The following LAT variants were observed in gnomAD, a reference collection of about 807,000 sequenced individuals.
The protein encoded by LAT is linker for activation of T-cells family member 1.
Under a neutral mutation model 39.1 loss-of-function variants are expected in LAT, and 12 were observed. The ratio of observed to expected loss-of-function variants is 0.31; its 90% CI spans 0.20 to 0.50. The LOEUF is 0.50. Ranked by LOEUF, LAT falls within the 20% of genes least tolerant of loss-of-function variation. The pLI is 0.98. For synonymous variants in LAT, 117 were observed against 123.8 expected (o/e 0.95, Z 0.36); for missense variants, 253 against 308.0 (o/e 0.82, Z 1.34).
intron 8 of LAT, 111 bp from the exon 9 acceptor site, chr16:28,989,416 T>C: frequency 2.2e-6 from 2 of 911,734 alleles, no homozygotes; most frequent in Admixed American, 2.3e-5. Context: ...GTGGGAAGCC[T>C]CTGGGGTCTA....
chr16:28,985,539 G>A lies in LAT; in HGVS notation c.100+22G>A, dbSNP rs750866342. 6.8e-6 allele frequency: 11 copies of A among 1,611,148 alleles called. No homozygotes were observed. Among genetic ancestry groups the A allele is most frequent in the Admixed American group, 1.7e-5 (1 of 59,900 alleles). On this transcript the variant is annotated intron_variant, in intron 1 of 11. Transcript: ENST00000395456. This position sits in a 1 kb window ranked among gnomAD's most constrained non-coding sequence, Gnocchi z 4.6. ...CCAGGTGAGTGGGAAACTGGTGGGG[G>A]TACCCAGGGCCCAGGGACACCGACG...
Position 28,985,454 on chromosome 16 carries a change from C to G in LAT, c.37C>G (p.Leu13Val). 1 of 1,613,856 alleles carries G rather than the reference C, an allele frequency of 6.2e-7. No homozygotes were observed. The highest frequency in any genetic ancestry group is 8.5e-7 in the Non-Finnish European group (1 of 1,179,948). ...CATCCTGGTCCCCTGCGTGCTGGGG[C>G]TCCTGCTGCTGCCCATCCTGGCCAT... The part of the protein sequence containing the change: ...EAILVPCVLG[L>V]LLLPILAMLM... Residue 13 changes from leucine (L) to valine (V), a missense_variant, in exon 1 of 12, where the codon CTC becomes GTC. Coordinates refer to ENST00000395456, the MANE Select transcript of LAT (RefSeq NM_001014987.2). The surrounding 1 kb of genome is among the most constrained non-coding windows in gnomAD (Gnocchi z 4.6).
In LAT at chr16:28,985,131, A is replaced by G; in HGVS notation, c.-287A>G. On this transcript the variant is annotated 5_prime_UTR_variant, in exon 1 of 12. Coordinates refer to ENST00000395456, the MANE Select transcript of LAT (RefSeq NM_001014987.2). This position sits in a 1 kb window ranked among gnomAD's most constrained non-coding sequence, Gnocchi z 4.6. ...GGAGGGGCAGGTAGGGCTGGGACGC[A>G]GGGGTAACTGGATCCCCCGACTTCA... The G allele has an allele frequency of 7.0e-7, 1 of 1,426,934 alleles. No homozygotes were observed. Among genetic ancestry groups the G allele is most frequent in the Non-Finnish European group, 9.1e-7 (1 of 1,095,620 alleles). The allele number at this position is 1,426,934 out of a possible 1,614,324, so 88.4% of individuals were successfully genotyped here.
Position 28,985,530 on chromosome 16 carries a change from C to G in LAT, c.100+13C>G. ...CACAGACTGCCAGGTGAGTGGGAAACTGGTGGGGGTACCCAGGGCCCAGGG... is the reference window on the plus strand; with the variant it reads ...CACAGACTGCCAGGTGAGTGGGAAAGTGGTGGGGGTACCCAGGGCCCAGGG... On this transcript the variant is annotated intron_variant, in intron 1 of 11. Coordinates refer to ENST00000395456, the MANE Select transcript of LAT (RefSeq NM_001014987.2). The surrounding 1 kb of genome is among the most constrained non-coding windows in gnomAD (Gnocchi z 4.6). The G allele has an allele frequency of 6.2e-7, 1 of 1,612,298 alleles. No homozygotes were observed. Among genetic ancestry groups the G allele is most frequent in the Non-Finnish European group, 8.5e-7 (1 of 1,179,004 alleles).
chr16:28,990,349 G>A lies in LAT; in HGVS notation c.*168G>A. 1.9e-6 allele frequency: 1 copy of A among 524,202 alleles called. No homozygotes were observed. The highest frequency in any genetic ancestry group is 3.6e-6 in the Non-Finnish European group (1 of 274,306). The allele number at this position is 524,202 out of a possible 1,614,324, so 32.5% of individuals were successfully genotyped here. ...TTATTATCACTTTGGGGTTCGGCCTGTGTCCCCCGAACGCTCTGCACCTTC... is the reference window on the plus strand; with the variant it reads ...TTATTATCACTTTGGGGTTCGGCCTATGTCCCCCGAACGCTCTGCACCTTC... On this transcript the variant is annotated 3_prime_UTR_variant, in exon 12 of 12. Transcript: ENST00000395456.
rs895879733 is a variant in LAT, at chr16:28,989,842, G to A, written c.622+3G>A. 6.8e-6 allele frequency: 11 copies of A among 1,614,088 alleles called. No individual in the cohort carries two copies. Among genetic ancestry groups the A allele is most frequent in the Admixed American group, 1.7e-5 (1 of 60,008 alleles). On this transcript the variant is annotated splice_donor_region_variant and intron_variant, in intron 10 of 11. Coordinates refer to ENST00000395456, the MANE Select transcript of LAT (RefSeq NM_001014987.2). ...TGGAGCGGCTAAGACTGAGCCTGGTGTGTTCTGCGGGAGGGGCAGGAGCTG... is the reference window on the plus strand; with the variant it reads ...TGGAGCGGCTAAGACTGAGCCTGGTATGTTCTGCGGGAGGGGCAGGAGCTG...
At position 28,986,092 on chromosome 16, in the gene LAT, C is replaced by T. The variant is rs760610353; in HGVS notation, c.164-43C>T. 17 of 1,511,642 alleles carry T rather than the reference C, an allele frequency of 1.1e-5. No individual in the cohort carries two copies. Among genetic ancestry groups the T allele is most frequent in the Admixed American group, 1.9e-5 (1 of 53,942 alleles). 93.6% of individuals were successfully genotyped at this position (1,511,642 alleles called of 1,614,324 possible). ...CTTAGTCTGTTCTTTGAGGCCTTGA[C>T]GATGTCCGGAGTCCTTCTTTCAACT... On this transcript the variant is annotated intron_variant, in intron 3 of 11. Transcript: ENST00000395456. The surrounding 1 kb of genome is among the most constrained non-coding windows in gnomAD (Gnocchi z 5.7).
chr16:28,985,029 C>T, upstream of LAT: 1 of 1,424,440 alleles, frequency 7.0e-7, no homozygotes, highest in Non-Finnish European at 9.2e-7. This position sits in a 1 kb window ranked among gnomAD's most constrained non-coding sequence, Gnocchi z 4.6. Flanking sequence ...TTGATGATTT[C>T]CTGCCCTCGC....
chr16:28,984,934 G>T (rs1006545484), upstream of LAT: 4 of 1,533,388 alleles, frequency 2.6e-6, no homozygotes, highest in Middle Eastern at 1.7e-4. Context: ...CTTGGTGAGT[G>T]CCTGGGGTGG....
rs771097316 is a variant in LAT at position 28,990,281 on chromosome 16, C to G, written c.*100C>G. On this transcript the variant is annotated 3_prime_UTR_variant, in exon 12 of 12. Transcript: ENST00000395456. Reference sequence around the variant, plus strand: ...CTGGGGTCCTCACATGGCGTCCTGCCCTTGCTCCAGCCTGACAACAGCCTG... The same window carrying G: ...CTGGGGTCCTCACATGGCGTCCTGCGCTTGCTCCAGCCTGACAACAGCCTG... The G allele has an allele frequency of 1.5e-5, 10 of 668,804 alleles. No individual in the cohort carries two copies. 41.4% of individuals were successfully genotyped at this position (668,804 alleles called of 1,614,324 possible). A position where few individuals can be genotyped will look rare whatever the true frequency, so the allele number is the denominator to read the frequency against.
Position 28,986,444 on chromosome 16 carries a change from G to A in LAT, c.308G>A (p.Gly103Asp). The change falls in exon 5 of 12, where the codon GGT becomes GAT. Residue 103 changes from glycine (G) to aspartate (D), a missense_variant and splice_region_variant. Coordinates refer to ENST00000395456, the MANE Select transcript of LAT (RefSeq NM_001014987.2). This position sits in a 1 kb window ranked among gnomAD's most constrained non-coding sequence, Gnocchi z 5.7. ...RTPSSRRDSD[G>D]ANSVASYENE... ...CCATCTTCCCGGCGGGATTCTGATGGTGGTAAGTGTGGGGAAGGGTTCAGG... is the reference window on the plus strand; with the variant it reads ...CCATCTTCCCGGCGGGATTCTGATGATGGTAAGTGTGGGGAAGGGTTCAGG... The A allele has an allele frequency of 5.0e-6, 8 of 1,613,982 alleles. No homozygotes were observed. In the South Asian group the frequency reaches 7.7e-5, roughly 16 times the overall value.
upstream of LAT, chr16:28,984,924 C>T (rs1319141460): frequency 1.9e-6 from 3 of 1,544,366 alleles, no homozygotes; most frequent in Admixed American, 2.0e-5. Flanking sequence ...CCAGCAGACC[C>T]TTGGTGAGTG....
At chr16:28,990,099 C>G in intron 11 of LAT, 80 bp downstream of exon 11, 1 of 1,175,636 alleles carries the variant, frequency 8.5e-7, no homozygotes, top group East Asian at 2.5e-5. Flanking sequence ...TTGCCCAACC[C>G]TACCTCTGGC....
At chr16:28,989,629 C>A (rs754124065) in intron 9 of LAT, 40 bp downstream of exon 9, 1 of 1,590,260 alleles carries the variant, frequency 6.3e-7, no homozygotes, top group Middle Eastern at 1.7e-4. Context: ...CCCTGCACCC[C>A]GCTGCCCCAC....
Position 28,989,600 on chromosome 16 carries a change from G to A in LAT, c.556+11G>A, listed in dbSNP as rs749589604. On this transcript the variant is annotated intron_variant, in intron 9 of 11. Transcript: ENST00000395456. The stretch of plus-strand genomic sequence containing the variant: ...CAGAAGCGTCTCTGGGTGAGTGACC[G>A]GTGCTTGTCGGTGCCTGCCCCTGCA... 29 of 1,604,376 alleles carry A rather than the reference G, an allele frequency of 1.8e-5. No individual in the cohort carries two copies. Among genetic ancestry groups the A allele is most frequent in the South Asian group, 5.6e-5 (5 of 89,482 alleles).
At chr16:28,987,077 T>TA (rs34896815) in intron 8 of LAT, among the ~76,000 whole-genome samples, 184 bp downstream of exon 8, 1 of 152,144 alleles carries the variant, frequency 6.6e-6, no homozygotes, top group African/African-American at 2.4e-5. Flanking sequence ...CTAGCTTATT[T>TA]AAAAAATTTT....
In LAT at chr16:28,990,481, C is replaced by G; in HGVS notation, c.*300C>G. On this transcript the variant is annotated 3_prime_UTR_variant, in exon 12 of 12. Coordinates refer to ENST00000395456, the MANE Select transcript of LAT (RefSeq NM_001014987.2). Reference sequence around the variant, plus strand: ...GCGTGCGTCTGTGTGTGCCTGTGTGCGAGTCTGAGTCAGAGATTTGGAGAT... The same window carrying G: ...GCGTGCGTCTGTGTGTGCCTGTGTGGGAGTCTGAGTCAGAGATTTGGAGAT... The G allele has an allele frequency of 3.2e-6, 1 of 311,524 alleles. No individual in the cohort carries two copies. The highest frequency in any genetic ancestry group is 2.5e-5 in the South Asian group (1 of 39,360). The allele number at this position is 311,524 out of a possible 1,614,324, so 19.3% of individuals were successfully genotyped here. A position where few individuals can be genotyped will look rare whatever the true frequency, so the allele number is the denominator to read the frequency against.
At chr16:28,988,310 C>T (rs575520196) in intron 8 of LAT, 5 of 152,548 alleles carry the variant, frequency 3.3e-5, no homozygotes, top group Non-Finnish European at 7.3e-5. Context: ...GAGGAGAAAA[C>T]TGAGGCACAG....
upstream of LAT, chr16:28,984,952 G>T: frequency 2.6e-6 from 4 of 1,510,264 alleles, no homozygotes; most frequent in Non-Finnish European, 3.5e-6. Flanking sequence ...TGGCTCCCGG[G>T]CCTCCTCCTG....
Sources: allele counts gnomAD v4.1 joint callset (sites outside exome capture counted in the v4.1 genomes callset), GRCh38; gene constraint gnomAD v4.1.1; non-coding constraint Gnocchi (gnomAD v3.1); transcripts MANE v1.5; gene names NCBI Gene and HGNC (gene_info 2026-07-23, HGNC 2026-07-21).